ANKRD44: variants seen among roughly 807,000 people sequenced by gnomAD.
ANKRD44 encodes the protein serine/threonine-protein phosphatase 6 regulatory ankyrin repeat subunit B.
In ANKRD44, 35 loss-of-function variants were observed where a neutral mutation model predicts 116.0. The observed-to-expected ratio is 0.30, with a 90% CI of 0.23 to 0.40. ANKRD44 has a LOEUF of 0.40. ANKRD44 is among the 10% of genes least tolerant of loss of function. ANKRD44 has a pLI of 1.00. For synonymous variants in ANKRD44, 435 were observed against 461.8 expected, an observed-to-expected ratio of 0.94 and a Z score of 0.74; for missense variants, 1,014 against 1,242.6, an observed-to-expected ratio of 0.82 and a Z score of 2.77.
intron 3 of ANKRD44, among the ~76,000 whole-genome samples, chr2:197,139,234 T>C (rs1231374267): frequency 1.3e-5 from 2 of 152,136 alleles, no homozygotes; most frequent in East Asian, 1.9e-4. Context: ...CCGCAACATG[T>C]TTATGTCAAC....
intron 1 of ANKRD44, among the ~76,000 whole-genome samples, chr2:197,294,031 A>G (rs1157318008): frequency 6.6e-6 from 1 of 152,052 alleles, no homozygotes; most frequent in Non-Finnish European, 1.5e-5. Flanking sequence ...TAAGAGCTCT[A>G]CCTCCACTAA....
intron 26 of ANKRD44, among the ~76,000 whole-genome samples, chr2:196,994,145 T>C (rs1365021426): frequency 8.5e-5 from 13 of 152,222 alleles, no homozygotes; most frequent in Admixed American, 7.9e-4. Flanking sequence ...TAAAGAATTA[T>C]GTCAAACTCA....
chr2:197,131,632 TC>T (rs141773895), intron 4 of ANKRD44, among the ~76,000 whole-genome samples: 8,379 of 152,296 alleles, frequency 0.055, 451 homozygotes, highest in African/African-American at 0.13. Flanking sequence ...AGTGAAAAGT[TC>T]AGCAATTCTC....
intron 16 of ANKRD44, among the ~76,000 whole-genome samples, chr2:197,050,428 CT>C (rs796163431): frequency 1.9e-3 from 277 of 144,116 alleles, no homozygotes; most frequent in Middle Eastern, 3.6e-3. Flanking sequence ...TTTGTTTTTG[CT>C]TTTTTTTTTT....
At chr2:197,151,946 A>G (rs1444613590) in intron 2 of ANKRD44, among the ~76,000 whole-genome samples, 1 of 148,522 alleles carries the variant, frequency 6.7e-6, no homozygotes, top group Non-Finnish European at 1.5e-5. Context: ...AACTGCCAAG[A>G]AAAAAAAAAA....
At chr2:197,055,790 T>A (rs1341862170) in intron 16 of ANKRD44, among the ~76,000 whole-genome samples, 1 of 152,224 alleles carries the variant, frequency 6.6e-6, no homozygotes, top group East Asian at 1.9e-4. Flanking sequence ...GATTAGTTCA[T>A]CTATGTTTGC....
intron 16 of ANKRD44, among the ~76,000 whole-genome samples, chr2:197,070,091 C>G (rs2077527022): frequency 6.6e-6 from 1 of 152,138 alleles, no homozygotes. Flanking sequence ...ACGTTTATCT[C>G]ATATCTTGTG....
chr2:197,098,713 C>T (rs1463195701), intron 10 of ANKRD44, among the ~76,000 whole-genome samples: 2 of 152,192 alleles, frequency 1.3e-5, no homozygotes, highest in Non-Finnish European at 2.9e-5. Flanking sequence ...TTATAGAACT[C>T]ATATAGATCT....
chr2:197,178,463 C>T (rs1394547941), intron 2 of ANKRD44, among the ~76,000 whole-genome samples: 3 of 150,284 alleles, frequency 2.0e-5, no homozygotes, highest in African/African-American at 7.5e-5. Flanking sequence ...AGAGTGAAAC[C>T]CTGTCTCTAA....
At chr2:197,131,841 T>C (rs1467048987) in intron 4 of ANKRD44, among the ~76,000 whole-genome samples, 1 of 152,224 alleles carries the variant, frequency 6.6e-6, no homozygotes, top group East Asian at 1.9e-4. Context: ...TGGGCTTCCA[T>C]AAACGTGCGT....
At chr2:197,032,420 G>T (rs969474341) in intron 16 of ANKRD44, among the ~76,000 whole-genome samples, 1 of 140,914 alleles carries the variant, frequency 7.1e-6, no homozygotes, top group African/African-American at 2.6e-5. Flanking sequence ...ATGAAGTCTC[G>T]CTCTGTTGCC....
At chr2:197,241,961 TA>T (rs146415312) in intron 1 of ANKRD44, among the ~76,000 whole-genome samples, 8 of 152,128 alleles carry the variant, frequency 5.3e-5, no homozygotes, top group Admixed American at 6.5e-5. Context: ...CCAAACCATT[TA>T]AAAAAATCTC....
Position 196,987,162 on chromosome 2 carries a change from C to T in ANKRD44, c.*2429G>A. 1.0e-6 allele frequency: 1 copy of T among 985,250 alleles called. No individual in the cohort carries two copies. The highest frequency in any genetic ancestry group is 1.7e-5 in the African/African-American group (1 of 57,332). The allele number at this position is 985,250 out of a possible 1,614,324, so 61.0% of individuals were successfully genotyped here. On this transcript the variant is annotated 3_prime_UTR_variant, in exon 28 of 28. Transcript: ENST00000282272. The stretch of plus-strand genomic sequence containing the variant: ...GTCACTATCTTAAAATGCTTTTCCC[C>T]TATAATACTGACCTATGGTTTATAG...
chr2:197,131,776 A>G (rs2579391), intron 4 of ANKRD44, among the ~76,000 whole-genome samples: 140,560 of 152,224 alleles, frequency 0.92, 65,249 homozygotes, highest in East Asian at 0.98. Context: ...TAAAAGCCAC[A>G]CTTTGTACAC....
chr2:197,197,329 A>G (rs9752836), intron 1 of ANKRD44, among the ~76,000 whole-genome samples: 3,119 of 152,274 alleles, frequency 0.02, 128 homozygotes, highest in African/African-American at 0.07. Flanking sequence ...AAAAAAAAAG[A>G]AGTCATATCA....
At chr2:197,002,648 G>A (rs764014861) in intron 21 of ANKRD44, among the ~76,000 whole-genome samples, 3 of 152,202 alleles carry the variant, frequency 2.0e-5, no homozygotes, top group Non-Finnish European at 4.4e-5. Context: ...TTGTAAGACA[G>A]ATCTTGCTGC....
At chr2:197,298,174 C>T (rs2083779691) in intron 1 of ANKRD44, among the ~76,000 whole-genome samples, 2 of 152,284 alleles carry the variant, frequency 1.3e-5, no homozygotes, top group South Asian at 4.1e-4. Flanking sequence ...AGAATTGAGA[C>T]CTTGTAACTG....
chr2:196,990,074 T>A (rs189711437), intron 27 of ANKRD44: 9 of 1,009,964 alleles, frequency 8.9e-6, no homozygotes, highest in Non-Finnish European at 1.1e-5. Context: ...TTTCAATTCA[T>A]CTGGCAACTT....
At chr2:197,146,151 T>C (rs764008612) in intron 3 of ANKRD44, among the ~76,000 whole-genome samples, 1 of 152,152 alleles carries the variant, frequency 6.6e-6, no homozygotes, top group Non-Finnish European at 1.5e-5. Context: ...ATAAAGACAA[T>C]AGCATCACAA....
Sources: gnomAD v4.1 joint callset for allele counts (sites outside exome capture counted in the v4.1 genomes callset) on GRCh38, gnomAD v4.1.1 for gene constraint, MANE v1.5 for transcripts, NCBI Gene and HGNC (gene_info 2026-07-23, HGNC 2026-07-21) for gene names.